H2BC8: variants seen among roughly 807,000 people sequenced by gnomAD.
H2BC8 encodes the protein H2B clustered histone 8.
In H2BC8, 11 loss-of-function variants were observed where a neutral mutation model predicts 6.3. That is an observed-to-expected ratio of 1.75 (90% CI 1.10 to 2.89). The LOEUF is 2.89. Ranked by LOEUF, H2BC8 falls within the 30% of genes most tolerant of loss-of-function variation. The pLI, the probability that H2BC8 is intolerant of heterozygous loss-of-function variation, is 0.00. For missense variants in H2BC8, 195 were observed against 165.2 expected (o/e 1.18, Z -0.99); for synonymous variants, 150 against 65.8 (o/e 2.28, Z -6.19).
At position 26,216,206 on chromosome 6, in the gene H2BC8, T is replaced by C. The variant is rs1765394075; in HGVS notation, c.*57A>G. The C allele has an allele frequency of 6.6e-7, 1 of 1,507,216 alleles. No homozygotes were observed. The highest frequency in any genetic ancestry group is 1.4e-5 in the South Asian group (1 of 73,996). The allele number at this position is 1,507,216 out of a possible 1,614,324, so 93.4% of individuals were successfully genotyped here. ...AAATTCAATATTAAAGCTCTTTATG[T>C]GAGACTTGAGTGGCTCTGAAAAGAG... is the stretch of plus-strand genomic sequence containing the variant. On this transcript the variant is annotated 3_prime_UTR_variant, in exon 1 of 1. Transcript: ENST00000541790.
In H2BC8 at chr6:26,216,396, T is replaced by G; in HGVS notation, c.248A>C (p.His83Pro). ...GGTAATGGTCGAGCGCTTGTTGTAG[T>G]GGGCCAGACGGGAAGCCTCGCCTGC... ...RIAGEASRLA[H>P]YNKRSTITSR... Residue 83 changes from histidine to proline, a missense_variant, in exon 1 of 1, where the codon CAC becomes CCC. His to Pro is a moderately conservative substitution (Grantham distance 77). Coordinates refer to ENST00000541790, the MANE Select transcript of H2BC8 (RefSeq NM_003518.4). 6.2e-7 allele frequency: 1 copy of G among 1,614,198 alleles called. No homozygotes were observed. Among genetic ancestry groups the G allele is most frequent in the Non-Finnish European group, 8.5e-7 (1 of 1,180,040 alleles).
chr6:26,216,593 C>T lies in H2BC8; in HGVS notation c.51G>A (p.Lys17=), dbSNP rs1354989060. The part of the protein sequence containing the change: ...SAPAPKKGSK[K]AVTKAQKKDG... Reference sequence around the variant, plus strand: ...CCTTCTTCTGCGCCTTGGTCACAGCCTTCTTGGAACCCTTCTTCGGAGCAG... The same window carrying T: ...CCTTCTTCTGCGCCTTGGTCACAGCTTTCTTGGAACCCTTCTTCGGAGCAG... Residue 17 remains lysine (K), a synonymous_variant, in exon 1 of 1, where the codon AAG becomes AAA. Coordinates refer to ENST00000541790, the MANE Select transcript of H2BC8 (RefSeq NM_003518.4). 4.3e-6 allele frequency: 7 copies of T among 1,614,204 alleles called. No homozygotes were observed. The highest frequency in any genetic ancestry group is 1.1e-5 in the South Asian group (1 of 91,090).
In H2BC8 at chr6:26,216,577, G is replaced by A. The variant is rs1441438958; in HGVS notation, c.67C>T (p.Gln23Ter). Residue 23 changes from glutamine to a stop codon, truncating the protein, a stop_gained, in exon 1 of 1, where the codon CAG becomes TAG. Coordinates refer to ENST00000541790, the MANE Select transcript of H2BC8 (RefSeq NM_003518.4). LOFTEE classifies it high-confidence loss of function. ...TTGCGCTTCTTGCCATCCTTCTTCT[G>A]CGCCTTGGTCACAGCCTTCTTGGAA... The part of the protein sequence containing the change: ...KGSKKAVTKA[Q>*]KKDGKKRKRS... 2.5e-6 allele frequency: 4 copies of A among 1,614,194 alleles called. No individual in the cohort carries two copies. The highest frequency in any genetic ancestry group is 3.3e-5 in the Admixed American group (2 of 60,026).
Position 26,216,398 on chromosome 6 carries a change from G to C in H2BC8, c.246C>G (p.Ala82=), listed in dbSNP as rs772404532. ...TAATGGTCGAGCGCTTGTTGTAGTG[G>C]GCCAGACGGGAAGCCTCGCCTGCGA... ...ERIAGEASRL[A]HYNKRSTITS... is the part of the protein sequence containing the mutation. The change falls in exon 1 of 1, where the codon GCC becomes GCG. Residue 82 remains alanine (A), a synonymous_variant. Coordinates refer to ENST00000541790, the MANE Select transcript of H2BC8 (RefSeq NM_003518.4). 1.2e-5 allele frequency: 19 copies of C among 1,614,000 alleles called. No individual in the cohort carries two copies. Among genetic ancestry groups the C allele is most frequent in the Admixed American group, 6.7e-5 (4 of 59,996 alleles).
At position 26,216,686 on chromosome 6, in the gene H2BC8, A is replaced by T. The variant is rs369282600; in HGVS notation, c.-43T>A. The T allele has an allele frequency of 1.5e-5, 23 of 1,574,196 alleles. No individual in the cohort carries two copies. The highest frequency in any genetic ancestry group is 6.0e-6 in the Non-Finnish European group (7 of 1,163,870). On this transcript the variant is annotated 5_prime_UTR_variant, in exon 1 of 1. Coordinates refer to ENST00000541790, the MANE Select transcript of H2BC8 (RefSeq NM_003518.4). ...ACAGCAGTGAGAATGAACGCACTTA[A>T]ATAAAAGCTCGTGTCTAGAGTCTCT...
chr6:26,216,657 A>C lies in H2BC8; in HGVS notation c.-14T>G. On this transcript the variant is annotated 5_prime_UTR_variant, in exon 1 of 1. It adds an upstream start codon to the 5' untranslated region. Transcript: ENST00000541790. ...TGGTTCAGGCATGCTGTCAGAAAAC[A>C]ATAACAGCAGTGAGAATGAACGCAC... The C allele has an allele frequency of 1.9e-6, 3 of 1,604,378 alleles. No homozygotes were observed. The highest frequency in any genetic ancestry group is 1.7e-6 in the Non-Finnish European group (2 of 1,176,220).
chr6:26,216,275 T>G lies in H2BC8; in HGVS notation c.369A>C (p.Thr123=). Residue 123 remains threonine (T), a synonymous_variant, in exon 1 of 1, where the codon ACA becomes ACC. Coordinates refer to ENST00000541790, the MANE Select transcript of H2BC8 (RefSeq NM_003518.4). ...CCTAAGCACACATTTACTTGGAGCT[T>G]GTATACTTGGTGACAGCCTTGGTAC... ...SEGTKAVTKY[T]SSK The G allele has an allele frequency of 6.2e-7, 1 of 1,606,332 alleles. No homozygotes were observed. The highest frequency in any genetic ancestry group is 1.1e-5 in the South Asian group (1 of 90,152).
Position 26,216,345 on chromosome 6 carries a change from CGCACG to C in H2BC8, c.294_298del (p.Val99SerfsTer48). 2 of 1,614,152 alleles carry C rather than the reference CGCACG, an allele frequency of 1.2e-6. No homozygotes were observed. Among genetic ancestry groups the C allele is most frequent in the African/African-American group, 2.7e-5 (2 of 75,058 alleles). On this transcript the variant is annotated frameshift_variant, in exon 1 of 1. Coordinates refer to ENST00000541790, the MANE Select transcript of H2BC8 (RefSeq NM_003518.4). LOFTEE classifies it high-confidence loss of function. ...GGCCAGCTCTCCGGGAAGCAGCAGA[CGCACG>C]GCGGTCTGGATCTCCCTGGAGGTAA...
Position 26,216,638 on chromosome 6 carries a change from A to C in H2BC8, c.6T>G (p.Pro2=). The change falls in exon 1 of 1, where the codon CCT becomes CCG. Residue 2 remains proline, a synonymous_variant. Coordinates refer to ENST00000541790, the MANE Select transcript of H2BC8 (RefSeq NM_003518.4). The stretch of plus-strand genomic sequence containing the variant: ...GAGCAGGAGCTGACTTAGCTGGTTC[A>C]GGCATGCTGTCAGAAAACAATAACA... The part of the protein sequence containing the change: M[P]EPAKSAPAPK... 1 of 1,610,036 alleles carries C rather than the reference A, an allele frequency of 6.2e-7. No individual in the cohort carries two copies. The highest frequency in any genetic ancestry group is 8.5e-7 in the Non-Finnish European group (1 of 1,178,634).
Position 26,216,561 on chromosome 6 carries a change from T to A in H2BC8, c.83A>T (p.Lys28Met), listed in dbSNP as rs1218876434. Residue 28 changes from lysine (K) to methionine (M), a missense_variant, in exon 1 of 1, where the codon AAG becomes ATG. Physicochemically the swap from Lys to Met is moderately conservative, Grantham distance 95. Transcript: ENST00000541790. ...AVTKAQKKDG[K>M]KRKRSRKESY... ...CTCCTTACGACTGCGCTTGCGCTTC[T>A]TGCCATCCTTCTTCTGCGCCTTGGT... 6.2e-7 allele frequency: 1 copy of A among 1,614,254 alleles called. No individual in the cohort carries two copies. The highest frequency in any genetic ancestry group is 8.5e-7 in the Non-Finnish European group (1 of 1,180,034).
chr6:26,216,239 G>A lies in H2BC8; in HGVS notation c.*24C>T. The A allele has an allele frequency of 6.4e-7, 1 of 1,556,046 alleles. No individual in the cohort carries two copies. Among genetic ancestry groups the A allele is most frequent in the Non-Finnish European group, 8.7e-7 (1 of 1,151,868 alleles). Reference sequence around the variant, plus strand: ...GAGTGGCTCTGAAAAGAGCCTTTGAGTTTTAAAGCACCTAAGCACACATTT... The same window carrying A: ...GAGTGGCTCTGAAAAGAGCCTTTGAATTTTAAAGCACCTAAGCACACATTT... On this transcript the variant is annotated 3_prime_UTR_variant, in exon 1 of 1. Transcript: ENST00000541790.
chr6:26,216,362 C>G lies in H2BC8; in HGVS notation c.282G>C (p.Glu94Asp). The G allele has an allele frequency of 6.2e-7, 1 of 1,614,178 alleles. No homozygotes were observed. Among genetic ancestry groups the G allele is most frequent in the Non-Finnish European group, 8.5e-7 (1 of 1,180,024 alleles). ...YNKRSTITSR[E>D]IQTAVRLLLP... Reference sequence around the variant, plus strand: ...GCAGCAGACGCACGGCGGTCTGGATCTCCCTGGAGGTAATGGTCGAGCGCT... The same window carrying G: ...GCAGCAGACGCACGGCGGTCTGGATGTCCCTGGAGGTAATGGTCGAGCGCT... The change falls in exon 1 of 1, where the codon GAG (glutamate) becomes GAC (aspartate). Residue 94 changes from glutamate to aspartate, a missense_variant. Physicochemically the swap from Glu to Asp is conservative, Grantham distance 45 (BLOSUM62 2). Transcript: ENST00000541790.
rs754723780 is a variant in H2BC8, at chr6:26,216,680, C to G, written c.-37G>C. 2 of 1,576,902 alleles carry G rather than the reference C, an allele frequency of 1.3e-6. No homozygotes were observed. The highest frequency in any genetic ancestry group is 1.2e-5 in the South Asian group (1 of 85,616). ...ACAATAACAGCAGTGAGAATGAACG[C>G]ACTTAAATAAAAGCTCGTGTCTAGA... On this transcript the variant is annotated 5_prime_UTR_variant, in exon 1 of 1. Coordinates refer to ENST00000541790, the MANE Select transcript of H2BC8 (RefSeq NM_003518.4).
rs1451651024 is a variant in H2BC8 at position 26,216,421 on chromosome 6, C to A, written c.223G>T (p.Ala75Ser). 6.2e-7 allele frequency: 1 copy of A among 1,614,184 alleles called. No homozygotes were observed. The highest frequency in any genetic ancestry group is 2.2e-5 in the East Asian group (1 of 44,884). ...SFVNDIFERIAGEASRLAHYN... is the reference protein window; with the variant it reads ...SFVNDIFERISGEASRLAHYN... The stretch of plus-strand genomic sequence containing the variant: ...TGGGCCAGACGGGAAGCCTCGCCTG[C>A]GATGCGTTCGAAGATGTCGTTAACG... Residue 75 changes from alanine to serine, a missense_variant, in exon 1 of 1, where the codon GCA becomes TCA. Coordinates refer to ENST00000541790, the MANE Select transcript of H2BC8 (RefSeq NM_003518.4).
Position 26,216,681 on chromosome 6 carries a change from A to G in H2BC8, c.-38T>C, listed in dbSNP as rs188257506. 7 of 1,576,788 alleles carry G rather than the reference A, an allele frequency of 4.4e-6. No individual in the cohort carries two copies. In the East Asian group the frequency reaches 1.6e-4, roughly 35 times the overall value. On this transcript the variant is annotated 5_prime_UTR_variant, in exon 1 of 1. Coordinates refer to ENST00000541790, the MANE Select transcript of H2BC8 (RefSeq NM_003518.4). ...CAATAACAGCAGTGAGAATGAACGC[A>G]CTTAAATAAAAGCTCGTGTCTAGAG...
In H2BC8 at chr6:26,216,290, A is replaced by G. The variant is rs1452644939; in HGVS notation, c.354T>C (p.Ala118=). 1 of 1,610,094 alleles carries G rather than the reference A, an allele frequency of 6.2e-7. No individual in the cohort carries two copies. The highest frequency in any genetic ancestry group is 1.1e-5 in the South Asian group (1 of 90,690). Residue 118 remains alanine, a synonymous_variant, in exon 1 of 1, where the codon GCT becomes GCC. Coordinates refer to ENST00000541790, the MANE Select transcript of H2BC8 (RefSeq NM_003518.4). ...ACTTGGAGCTTGTATACTTGGTGAC[A>G]GCCTTGGTACCTTCGGACACTGCGT... The part of the protein sequence containing the change: ...AKHAVSEGTK[A]VTKYTSSK
Position 26,216,632 on chromosome 6 carries a change from T to G in H2BC8, c.12A>C (p.Pro4=). Residue 4 remains proline, a synonymous_variant, in exon 1 of 1, where the codon CCA becomes CCC. Transcript: ENST00000541790. MPE[P]AKSAPAPKKG... is the part of the protein sequence containing the mutation. ...TCTTCGGAGCAGGAGCTGACTTAGCTGGTTCAGGCATGCTGTCAGAAAACA... is the reference window on the plus strand; with the variant it reads ...TCTTCGGAGCAGGAGCTGACTTAGCGGGTTCAGGCATGCTGTCAGAAAACA... 6.2e-7 allele frequency: 1 copy of G among 1,613,012 alleles called. No homozygotes were observed. Among genetic ancestry groups the G allele is most frequent in the South Asian group, 1.1e-5 (1 of 90,948 alleles).
rs114698706 is a variant in H2BC8, at chr6:26,216,615, G to C, written c.29C>G (p.Ala10Gly). 1 of 1,614,032 alleles carries C rather than the reference G, an allele frequency of 6.2e-7. No individual in the cohort carries two copies. The highest frequency in any genetic ancestry group is 8.5e-7 in the Non-Finnish European group (1 of 1,179,974). The change falls in exon 1 of 1, where the codon GCT becomes GGT. Residue 10 changes from alanine (A) to glycine (G), a missense_variant. By Grantham distance (60) the Ala-to-Gly change is moderately conservative. Coordinates refer to ENST00000541790, the MANE Select transcript of H2BC8 (RefSeq NM_003518.4). ...AGCCTTCTTGGAACCCTTCTTCGGA[G>C]CAGGAGCTGACTTAGCTGGTTCAGG... MPEPAKSAP[A>G]PKKGSKKAVT...
chr6:26,216,440 G>T lies in H2BC8; in HGVS notation c.204C>A (p.Asn68Lys). Residue 68 changes from asparagine (N) to lysine (K), a missense_variant, in exon 1 of 1, where the codon AAC (asparagine) becomes AAA (lysine). Transcript: ENST00000541790. ...CGCCTGCGATGCGTTCGAAGATGTC[G>T]TTAACGAAGGAATTCATGATGCCCA... ...KAMGIMNSFV[N>K]DIFERIAGEA... 6.2e-7 allele frequency: 1 copy of T among 1,614,220 alleles called. No individual in the cohort carries two copies. Among genetic ancestry groups the T allele is most frequent in the Non-Finnish European group, 8.5e-7 (1 of 1,180,036 alleles).
Sources: gnomAD v4.1 joint callset for allele counts on GRCh38, gnomAD v4.1.1 for gene constraint, MANE v1.5 for transcripts, NCBI Gene and HGNC (gene_info 2026-07-23, HGNC 2026-07-21) for gene names.